NKIRAS1: variants seen among roughly 807,000 people sequenced by gnomAD.
The protein encoded by NKIRAS1 is NFKB inhibitor interacting Ras like 1.
NKIRAS1 carries 16 observed loss-of-function variants against 19.8 expected under a neutral mutation model. That is an observed-to-expected ratio of 0.81 (90% CI 0.55 to 1.23). The LOEUF (loss-of-function observed/expected upper bound fraction) is 1.23. Among genes scored for constraint, NKIRAS1 ranks in the 50% most tolerant of loss-of-function variants. NKIRAS1 has a pLI of 0.00. For missense variants in NKIRAS1, 184 were observed against 220.0 expected, an observed-to-expected ratio of 0.84 and a Z score of 1.04; for synonymous variants, 88 against 79.0, an observed-to-expected ratio of 1.11 and a Z score of -0.61.
intron 1 of NKIRAS1, among the ~76,000 whole-genome samples, chr3:23,915,644 A>G (rs1704288574): frequency 6.6e-6 from 1 of 152,126 alleles, no homozygotes. Context: ...CCATGTGAGA[A>G]CCTTCACCTC....
At chr3:23,934,806 A>T (rs1384184085) in intron 1 of NKIRAS1, among the ~76,000 whole-genome samples, 1 of 150,550 alleles carries the variant, frequency 6.6e-6, no homozygotes, top group East Asian at 1.9e-4. Flanking sequence ...CCCTCCTTTA[A>T]ATGAAAGCAT....
chr3:23,939,762 A>C (rs1705459332), intron 1 of NKIRAS1, among the ~76,000 whole-genome samples: 1 of 152,182 alleles, frequency 6.6e-6, no homozygotes, highest in Non-Finnish European at 1.5e-5. Flanking sequence ...CAAACAAACA[A>C]ACAAAAAACA....
chr3:23,938,433 A>G (rs1385590592), intron 1 of NKIRAS1, among the ~76,000 whole-genome samples: 1 of 152,090 alleles, frequency 6.6e-6, no homozygotes, highest in Non-Finnish European at 1.5e-5. Flanking sequence ...GTTGGTCTTG[A>G]ACCCTTGGGC....
chr3:23,937,318 C>A (rs186803517), intron 1 of NKIRAS1, among the ~76,000 whole-genome samples: 5,505 of 151,238 alleles, frequency 0.036, 144 homozygotes, highest in Middle Eastern at 0.092. Context: ...GATGGAGGGC[C>A]ATAGACTCTG....
intron 1 of NKIRAS1, among the ~76,000 whole-genome samples, chr3:23,936,207 T>C (rs1705391003): frequency 6.6e-6 from 1 of 151,336 alleles, no homozygotes; most frequent in Admixed American, 6.6e-5. Flanking sequence ...CATCCAGGCA[T>C]GGAAGAAGAT....
rs1485876922 is a variant in NKIRAS1 at position 23,914,821 on chromosome 3, G to A, written c.-140+1963C>T. ...AGTGATTATTCACACTACTAGAATT[G>A]TTTTTCCAAATGATTCATCCAACTT... On this transcript the variant is annotated intron_variant, in intron 1 of 4. Coordinates refer to ENST00000425478, the MANE Select transcript of NKIRAS1 (RefSeq NM_020345.4). 3.3e-5 allele frequency among the ~76,000 whole-genome samples: 5 copies of A among 152,218 alleles called. No homozygotes were observed. In the East Asian group the frequency reaches 9.6e-4, roughly 29 times the overall value.
intron 1 of NKIRAS1, among the ~76,000 whole-genome samples, chr3:23,937,133 A>G (rs1705408466): frequency 6.6e-6 from 1 of 152,122 alleles, no homozygotes; most frequent in African/African-American, 2.4e-5. Flanking sequence ...TAATCCTGGC[A>G]CTTTGGGAGG....
intron 1 of NKIRAS1, chr3:23,945,206 AG>A (rs61176987): frequency 1 from 136,180 of 136,334 alleles, 68,013 homozygotes; most frequent in Middle Eastern, 1. Flanking sequence ...GGCGGGGCGG[AG>A]GTCGCCGCAG....
chr3:23,899,920 T>C (rs1456265906), intron 4 of NKIRAS1, among the ~76,000 whole-genome samples: 3 of 152,148 alleles, frequency 2.0e-5, no homozygotes, highest in Admixed American at 6.5e-5. Flanking sequence ...TCTCAGCACT[T>C]TGGGAGGCCG....
upstream of NKIRAS1, chr3:23,919,731 T>G (rs1704967476): frequency 7.4e-7 from 1 of 1,346,850 alleles, no homozygotes; most frequent in Admixed American, 3.3e-5. Context: ...GAGTTGTATG[T>G]CAGTGTATAA....
At chr3:23,903,382 T>C (rs1275204256) in intron 3 of NKIRAS1, among the ~76,000 whole-genome samples, 2 of 152,158 alleles carry the variant, frequency 1.3e-5, no homozygotes, top group Admixed American at 6.6e-5. Flanking sequence ...CCCAAAGTGC[T>C]AGGATTACAG....
upstream of NKIRAS1, chr3:23,920,341 G>A: frequency 1.0e-6 from 1 of 985,580 alleles, no homozygotes; most frequent in Non-Finnish European, 1.2e-6. Flanking sequence ...TACCCACTCT[G>A]TCCACTCCCA....
intron 4 of NKIRAS1, among the ~76,000 whole-genome samples, chr3:23,896,371 T>C (rs1056277171): frequency 6.6e-6 from 1 of 152,020 alleles, no homozygotes; most frequent in Non-Finnish European, 1.5e-5. Flanking sequence ...TCCCAGCACT[T>C]TGGGAGGCCC....
intron 1 of NKIRAS1, chr3:23,946,171 C>G: frequency 3.0e-6 from 3 of 985,202 alleles, no homozygotes; most frequent in South Asian, 4.7e-5. Context: ...CGCGTGCGCG[C>G]CCGCTGAGCC....
At chr3:23,894,284 A>G (rs1382714684) in intron 4 of NKIRAS1, among the ~76,000 whole-genome samples, 2 of 152,230 alleles carry the variant, frequency 1.3e-5, no homozygotes, top group East Asian at 3.8e-4. Context: ...GACAATGGGC[A>G]GCAAGAACTG....
At chr3:23,945,194 G>A (rs1395095539) in intron 1 of NKIRAS1, 1 of 16,314 alleles carries the variant, frequency 6.1e-5, no homozygotes, top group African/African-American at 2.8e-4. Context: ...AGGGAGGGGA[G>A]CGGCGGGGCG....
chr3:23,910,006 G>A (rs1703516923), intron 3 of NKIRAS1, among the ~76,000 whole-genome samples: 1 of 151,850 alleles, frequency 6.6e-6, no homozygotes, highest in South Asian at 2.1e-4. Context: ...CTACAGGCGT[G>A]CACCGCCACA....
intron 1 of NKIRAS1, among the ~76,000 whole-genome samples, chr3:23,914,292 C>T (rs1194106349): frequency 6.6e-6 from 1 of 151,838 alleles, no homozygotes; most frequent in Non-Finnish European, 1.5e-5. Flanking sequence ...TGCTTCTGTT[C>T]TTCTATGTAA....
At chr3:23,909,282 G>A (rs1057377751) in intron 3 of NKIRAS1, among the ~76,000 whole-genome samples, 5 of 152,134 alleles carry the variant, frequency 3.3e-5, no homozygotes, top group African/African-American at 1.2e-4. Context: ...AGCACTTTGG[G>A]AGGCCGAGGC....
Sources: gnomAD v4.1 joint callset for allele counts (sites outside exome capture counted in the v4.1 genomes callset) on GRCh38, gnomAD v4.1.1 for gene constraint, MANE v1.5 for transcripts, NCBI Gene and HGNC (gene_info 2026-07-23, HGNC 2026-07-21) for gene names.